Variants in MAEA observed in about 807,000 individuals in gnomAD.
The protein encoded by MAEA is macrophage erythroblast attacher, E3 ubiquitin ligase.
Under a neutral mutation model 46.2 loss-of-function variants are expected in MAEA, and 22 were observed. The observed-to-expected ratio is 0.48, with a 90% CI of 0.34 to 0.68. MAEA has a LOEUF of 0.68. MAEA is among the 30% of genes least tolerant of loss of function. The probability of loss-of-function intolerance (pLI) is 0.01; values close to 1 mark genes in which losing one functional copy is unlikely to be tolerated. For missense variants in MAEA, 393 were observed against 558.1 expected, an observed-to-expected ratio of 0.70 and a Z score of 2.98; for synonymous variants, 246 against 222.6, an observed-to-expected ratio of 1.11 and a Z score of -0.94.
intron 1 of MAEA, among the ~76,000 whole-genome samples, chr4:1,299,338 C>A (rs1735087417): frequency 6.6e-6 from 1 of 152,198 alleles, no homozygotes; most frequent in African/African-American, 2.4e-5. Context: ...CAGCTCATGC[C>A]CAGCCCGTCT....
chr4:1,311,248 C>G lies in MAEA; in HGVS notation c.70-731C>G, dbSNP rs918894188. On this transcript the variant is annotated intron_variant, in intron 1 of 8. Transcript: ENST00000303400. This position sits in a 1 kb window ranked among gnomAD's most constrained non-coding sequence, Gnocchi z 4.4. ...CCGCAGGTGGTGTTTCCTGCGGGAG[C>G]CCGGCCACGGAGGCCGGGGAGCGCT... 6.6e-6 allele frequency among the ~76,000 whole-genome samples: 1 copy of G among 152,216 alleles called. No individual in the cohort carries two copies. The highest frequency in any genetic ancestry group is 6.5e-5 in the Admixed American group (1 of 15,290).
At chr4:1,327,827 T>A in intron 5 of MAEA, 124 bp downstream of exon 5, 1 of 724,872 alleles carries the variant, frequency 1.4e-6, no homozygotes, top group Non-Finnish European at 2.4e-6. Context: ...GGGTCTTGAG[T>A]CTGACCCCTG....
intron 2 of MAEA, 28 bp downstream of exon 2, chr4:1,312,189 A>C (rs1413053821): frequency 6.2e-7 from 1 of 1,612,794 alleles, no homozygotes; most frequent in African/African-American, 1.3e-5. Flanking sequence ...GTCCCTCTTC[A>C]GTCTGGGGCA....
chr4:1,290,703 T>C (rs1051851255), intron 1 of MAEA, among the ~76,000 whole-genome samples: 2 of 152,228 alleles, frequency 1.3e-5, no homozygotes, highest in African/African-American at 4.8e-5. Context: ...TGGTTCTGTG[T>C]TGCCTTCCTG....
intron 1 of MAEA, among the ~76,000 whole-genome samples, chr4:1,290,592 G>A (rs1734002920): frequency 2.0e-5 from 3 of 152,246 alleles, no homozygotes; most frequent in South Asian, 2.1e-4. Context: ...GCCGATACTT[G>A]TTCTTTACCT....
At chr4:1,305,633 G>T (rs930739783) in intron 1 of MAEA, among the ~76,000 whole-genome samples, 15 of 152,228 alleles carry the variant, frequency 9.9e-5, no homozygotes, top group Non-Finnish European at 2.1e-4. Context: ...GGCTCCACCA[G>T]CATGTGGTGG....
chr4:1,329,395 T>C (rs1739254989), intron 5 of MAEA: 1 of 985,480 alleles, frequency 1.0e-6, no homozygotes, highest in South Asian at 4.7e-5. Context: ...CACCTCATAA[T>C]GTCTGAGCCG....
chr4:1,338,290 C>T, intron 7 of MAEA, 132 bp from the exon 8 acceptor site: 1 of 664,064 alleles, frequency 1.5e-6, no homozygotes, highest in South Asian at 2.0e-5. Flanking sequence ...CCTCGAAAGA[C>T]AGCCCCGTGT....
intron 5 of MAEA, chr4:1,329,775 G>A: frequency 1.0e-6 from 1 of 985,602 alleles, no homozygotes; most frequent in South Asian, 4.7e-5. Context: ...AGCCCAGAGG[G>A]TGTTGTGTAT....
intron 1 of MAEA, among the ~76,000 whole-genome samples, chr4:1,308,509 C>T (rs912228968): frequency 2.0e-5 from 3 of 152,084 alleles, no homozygotes; most frequent in Admixed American, 6.5e-5. Flanking sequence ...TGCCTCGCTG[C>T]TCTACACGCT....
At chr4:1,295,780 C>T (rs1275563401) in intron 1 of MAEA, among the ~76,000 whole-genome samples, 1 of 87,254 alleles carries the variant, frequency 1.1e-5, no homozygotes, top group African/African-American at 6.5e-5. Flanking sequence ...CCCCCTCACC[C>T]GCGCCTGTGC....
At chr4:1,291,552 C>A (rs968774350) in intron 1 of MAEA, among the ~76,000 whole-genome samples, 1 of 152,226 alleles carries the variant, frequency 6.6e-6, no homozygotes, top group African/African-American at 2.4e-5. Flanking sequence ...TAACCACTGA[C>A]CACTTTGTCT....
chr4:1,329,743 G>A lies in MAEA; in HGVS notation c.656+2040G>A. ...ATCGGCAGGACGTTTGTGGGGTGAGGGAGTGCGGGTGTTTGGCTGGGAGCC... is the reference window on the plus strand; with the variant it reads ...ATCGGCAGGACGTTTGTGGGGTGAGAGAGTGCGGGTGTTTGGCTGGGAGCC... On this transcript the variant is annotated intron_variant, in intron 5 of 8. Coordinates refer to ENST00000303400, the MANE Select transcript of MAEA (RefSeq NM_001017405.3). 7 of 985,634 alleles carry A rather than the reference G, an allele frequency of 7.1e-6. No individual in the cohort carries two copies. The South Asian group carries it at 2.3e-4, about 33-fold the overall frequency. The allele number at this position is 985,634 out of a possible 1,614,324, so 61.1% of individuals were successfully genotyped here.
At chr4:1,318,833 A>G (rs1577192536) in intron 3 of MAEA, among the ~76,000 whole-genome samples, 1 of 152,238 alleles carries the variant, frequency 6.6e-6, no homozygotes, top group Non-Finnish European at 1.5e-5. Context: ...AAAATTGGAG[A>G]CGTGACAAAC....
chr4:1,339,277 C>T lies in MAEA; in HGVS notation c.*108C>T, dbSNP rs563080606. On this transcript the variant is annotated 3_prime_UTR_variant, in exon 9 of 9. Coordinates refer to ENST00000303400, the MANE Select transcript of MAEA (RefSeq NM_001017405.3). ...CCTGCCGCGGCGTTTCTGTTTCTTG[C>T]GACCAAAGATCCGTGAGCAACGATA... The T allele has an allele frequency of 5.5e-5, 42 of 770,630 alleles. No individual in the cohort carries two copies. The highest frequency in any genetic ancestry group is 8.4e-5 in the Non-Finnish European group (37 of 440,654). The allele number at this position is 770,630 out of a possible 1,614,324, so 47.7% of individuals were successfully genotyped here.
chr4:1,306,327 TC>T (rs1735826503), intron 1 of MAEA, among the ~76,000 whole-genome samples: 1 of 152,172 alleles, frequency 6.6e-6, no homozygotes, highest in African/African-American at 2.4e-5. Context: ...TCTGTGATGT[TC>T]CTGTTCAAAC....
At chr4:1,301,126 T>G (rs764809533) in intron 1 of MAEA, among the ~76,000 whole-genome samples, 14 of 152,216 alleles carry the variant, frequency 9.2e-5, no homozygotes, top group Non-Finnish European at 1.5e-4. Flanking sequence ...ATTGGGGAAA[T>G]TCTTCCTTCC....
At chr4:1,325,373 C>T (rs144019016) in intron 4 of MAEA, among the ~76,000 whole-genome samples, 261 of 152,342 alleles carry the variant, frequency 1.7e-3, no homozygotes, top group Non-Finnish European at 3.0e-3. Context: ...GCCTTGTTGG[C>T]GCTCCACGCC....
intron 1 of MAEA, among the ~76,000 whole-genome samples, chr4:1,307,417 C>T (rs567392781): frequency 5.3e-5 from 8 of 152,270 alleles, no homozygotes; most frequent in African/African-American, 1.9e-4. Flanking sequence ...GCAGATTTGT[C>T]TTTTCATGGT....
Sources: gnomAD v4.1 joint callset for allele counts (sites outside exome capture counted in the v4.1 genomes callset) on GRCh38, gnomAD v4.1.1 for gene constraint, Gnocchi (gnomAD v3.1) non-coding constraint, MANE v1.5 for transcripts, NCBI Gene and HGNC (gene_info 2026-07-23, HGNC 2026-07-21) for gene names.